Variants in CCBE1 observed in about 807,000 individuals in gnomAD.
The protein encoded by CCBE1 is collagen and calcium binding EGF domains 1.
In CCBE1, 37 loss-of-function variants were observed where a neutral mutation model predicts 50.0. That is an observed-to-expected ratio of 0.74 (90% CI 0.57 to 0.97). The LOEUF (loss-of-function observed/expected upper bound fraction) is 0.97, where lower values mean the gene tolerates loss of function less well. CCBE1 is among the 50% of genes least tolerant of loss of function. The pLI is 0.00. For missense variants in CCBE1, 538 were observed against 523.8 expected (o/e 1.03, Z -0.26); for synonymous variants, 234 against 203.7 (o/e 1.15, Z -1.27).
chr18:59,677,478 A>G (rs1008039871), intron 2 of CCBE1, among the ~76,000 whole-genome samples: 1 of 152,152 alleles, frequency 6.6e-6, no homozygotes, highest in African/African-American at 2.4e-5. Flanking sequence ...GGATATGTGA[A>G]TTGCTGAGGC....
At chr18:59,474,219 G>C (rs957209127) in intron 3 of CCBE1, among the ~76,000 whole-genome samples, 1 of 152,106 alleles carries the variant, frequency 6.6e-6, no homozygotes, top group Non-Finnish European at 1.5e-5. Flanking sequence ...TGTCTTTTTG[G>C]TGTAATGATC....
At chr18:59,598,785 C>T (rs1300209974) in intron 2 of CCBE1, among the ~76,000 whole-genome samples, 2 of 152,130 alleles carry the variant, frequency 1.3e-5, no homozygotes, top group African/African-American at 4.8e-5. Flanking sequence ...AGATCGGGCT[C>T]AATTCCATGA....
chr18:59,441,647 C>CA (rs1439375489), intron 7 of CCBE1, among the ~76,000 whole-genome samples: 1 of 151,938 alleles, frequency 6.6e-6, no homozygotes, highest in Non-Finnish European at 1.5e-5. Flanking sequence ...TGTGTCTGAG[C>CA]AGATGAGGGA....
chr18:59,541,978 A>G (rs1287747135), intron 2 of CCBE1, among the ~76,000 whole-genome samples: 2 of 152,026 alleles, frequency 1.3e-5, no homozygotes, highest in Non-Finnish European at 2.9e-5. Context: ...GGAGTTCAAG[A>G]CTGGCTTGGG....
Position 59,697,392 on chromosome 18 carries a change from C to T in CCBE1, c.-50G>A, listed in dbSNP as rs1159765183. The stretch of plus-strand genomic sequence containing the variant: ...AGCGCCGAGCTCCGTCCGGACCAAG[C>T]GTCCTGCTCCTCCGCGGCCGCCGCC... On this transcript the variant is annotated 5_prime_UTR_variant, in exon 1 of 11. Transcript: ENST00000439986. The T allele has an allele frequency of 2.6e-6, 4 of 1,523,370 alleles. No individual in the cohort carries two copies. In the East Asian group the frequency reaches 7.4e-5, roughly 28 times the overall value. The allele number at this position is 1,523,370 out of a possible 1,614,324, so 94.4% of individuals were successfully genotyped here. A position where few individuals can be genotyped will look rare whatever the true frequency, so the allele number is the denominator to read the frequency against.
intron 2 of CCBE1, among the ~76,000 whole-genome samples, chr18:59,603,335 A>G (rs2053456488): frequency 6.6e-6 from 1 of 152,130 alleles, no homozygotes; most frequent in Non-Finnish European, 1.5e-5. Context: ...CATCTAGACC[A>G]CTCGGGTCCT....
At chr18:59,458,931 T>C (rs1394697101) in intron 5 of CCBE1, 3 of 152,230 alleles carry the variant, frequency 2.0e-5, no homozygotes, top group Admixed American at 6.5e-5. Flanking sequence ...GAGTAGGCGC[T>C]GGTGGAGTTA....
chr18:59,522,761 G>A (rs978023459), intron 2 of CCBE1, among the ~76,000 whole-genome samples: 4 of 151,968 alleles, frequency 2.6e-5, no homozygotes, highest in South Asian at 2.1e-4. Context: ...AGGCCGAGGC[G>A]GGCGTATCAT....
At chr18:59,643,181 C>T (rs1015549757) in intron 2 of CCBE1, among the ~76,000 whole-genome samples, 1 of 152,026 alleles carries the variant, frequency 6.6e-6, no homozygotes, top group Non-Finnish European at 1.5e-5. Flanking sequence ...AATACATTTT[C>T]CAATTGCACG....
intron 2 of CCBE1, among the ~76,000 whole-genome samples, chr18:59,524,695 C>G (rs1273304551): frequency 1.3e-5 from 2 of 152,162 alleles, no homozygotes; most frequent in African/African-American, 2.4e-5. Context: ...CACCTATTAA[C>G]CCATCACCTA....
At chr18:59,601,136 A>C (rs2053426926) in intron 2 of CCBE1, among the ~76,000 whole-genome samples, 1 of 142,932 alleles carries the variant, frequency 7.0e-6, no homozygotes, top group South Asian at 2.2e-4. Flanking sequence ...GGCTCAAGTG[A>C]TTCTTCTACC....
At chr18:59,550,403 C>G (rs1429586) in intron 2 of CCBE1, among the ~76,000 whole-genome samples, 71,343 of 151,992 alleles carry the variant, frequency 0.47, 17,795 homozygotes, top group Non-Finnish European at 0.56. Context: ...AACTATCTGG[C>G]CTTTAGAGAG....
intron 2 of CCBE1, among the ~76,000 whole-genome samples, chr18:59,609,685 T>A (rs1229448005): frequency 6.6e-6 from 1 of 152,220 alleles, no homozygotes; most frequent in Non-Finnish European, 1.5e-5. Context: ...CCTTACCCAA[T>A]CCATTCTTCA....
intron 2 of CCBE1, among the ~76,000 whole-genome samples, chr18:59,542,239 G>C (rs553835279): frequency 1.3e-5 from 2 of 152,008 alleles, no homozygotes; most frequent in South Asian, 2.1e-4. Context: ...TCTCAGTGCT[G>C]CCTGGGTGCC....
chr18:59,460,936 A>AAAATAAAT (rs59182848), intron 5 of CCBE1, among the ~76,000 whole-genome samples: 27,192 of 141,048 alleles, frequency 0.19, 3,136 homozygotes, highest in East Asian at 0.45. Flanking sequence ...CTCTGTCTCA[A>AAAATAAAT]AAATAAATAA....
At chr18:59,518,690 A>G (rs1444318812) in intron 2 of CCBE1, among the ~76,000 whole-genome samples, 1 of 152,166 alleles carries the variant, frequency 6.6e-6, no homozygotes, top group Non-Finnish European at 1.5e-5. Flanking sequence ...TGCAGCAGAC[A>G]CTATTGGGAA....
At chr18:59,492,138 T>G (rs4940882) in intron 2 of CCBE1, among the ~76,000 whole-genome samples, 2 of 132,160 alleles carry the variant, frequency 1.5e-5, no homozygotes, top group South Asian at 2.6e-4. Context: ...GAGTGAGACT[T>G]TGTCTCAAAA....
chr18:59,630,045 C>T (rs2053831907), intron 2 of CCBE1, among the ~76,000 whole-genome samples: 1 of 152,212 alleles, frequency 6.6e-6, no homozygotes, highest in East Asian at 1.9e-4. Context: ...ACAGAACACA[C>T]TCTACTGGCT....
chr18:59,512,651 T>TG (rs965135976), intron 2 of CCBE1, among the ~76,000 whole-genome samples: 4 of 152,216 alleles, frequency 2.6e-5, no homozygotes, highest in Non-Finnish European at 5.9e-5. Context: ...GACCCCATAG[T>TG]GGGGAGTCTC....
Sources: gnomAD v4.1 joint callset for allele counts (sites outside exome capture counted in the v4.1 genomes callset) on GRCh38, gnomAD v4.1.1 for gene constraint, MANE v1.5 for transcripts, NCBI Gene and HGNC (gene_info 2026-07-23, HGNC 2026-07-21) for gene names.